POU5F1B: variants seen among roughly 807,000 people sequenced by gnomAD.
The protein encoded by POU5F1B is POU domain, class 5, transcription factor 1B.
In POU5F1B, 24 loss-of-function variants were observed where a neutral mutation model predicts 28.1. That is an observed-to-expected ratio of 0.85 (90% CI 0.62 to 1.20). POU5F1B has a LOEUF of 1.20. Ranked by LOEUF, POU5F1B falls within the 50% of genes most tolerant of loss-of-function variation. POU5F1B has a pLI of 0.00. For missense variants in POU5F1B, 451 were observed against 451.5 expected, an observed-to-expected ratio of 1.00 and a Z score of 0.01; for synonymous variants, 220 against 193.2, an observed-to-expected ratio of 1.14 and a Z score of -1.15.
chr8:127,416,764 G>T (rs1432368424), exon 3 of POU5F1B: 10 of 1,607,444 alleles, frequency 6.2e-6, no homozygotes, highest in South Asian at 1.1e-5. Context: ...TTTTGAGGCT[G>T]CTGGGTCTCC....
exon 3 of POU5F1B, chr8:127,416,137 G>A: frequency 6.2e-7 from 1 of 1,613,716 alleles, no homozygotes; most frequent in Non-Finnish European, 8.5e-7. Flanking sequence ...AGGCGGCTTG[G>A]AGACCTCTCA....
intron 1 of POU5F1B, among the ~76,000 whole-genome samples, chr8:127,414,409 G>T (rs904409062): frequency 6.6e-6 from 1 of 152,126 alleles, no homozygotes; most frequent in Non-Finnish European, 1.5e-5. Flanking sequence ...GGGAGAAGAG[G>T]GTTGCCACAT....
At chr8:127,414,969 C>T (rs1815108341) in exon 2 of POU5F1B, 2 of 152,406 alleles carry the variant, frequency 1.3e-5, no homozygotes, top group South Asian at 4.1e-4. Context: ...TGGTGAGCAA[C>T]TGAGGCCTCC....
exon 3 of POU5F1B, chr8:127,416,046 T>G: frequency 6.2e-7 from 1 of 1,607,442 alleles, no homozygotes; most frequent in Non-Finnish European, 8.5e-7. Context: ...TGTGGGGGAT[T>G]CCCCCTTGCC....
At chr8:127,416,370 G>T in exon 3 of POU5F1B, 1 of 1,610,326 alleles carries the variant, frequency 6.2e-7, no homozygotes, top group Admixed American at 1.7e-5. Context: ...CCGATGTGGG[G>T]CTCATCCTGG....
rs754368664 is a variant in POU5F1B, at chr8:127,416,921, TG to T, written c.1058del (p.Gly353AlafsTer65). ...TTTCCCCCAGTCTCCGTCATCACTC[TG>T]GGCTCTCCCATGCATTCAAACTGAG... On this transcript the variant is annotated frameshift_variant, in exon 3 of 3. Coordinates refer to ENST00000465342, the Ensembl canonical transcript of POU5F1B. LOFTEE classifies it high-confidence loss of function. 1.9e-6 allele frequency: 3 copies of T among 1,601,696 alleles called. No homozygotes were observed. The highest frequency in any genetic ancestry group is 1.7e-6 in the Non-Finnish European group (2 of 1,173,752).
rs576539115 is a variant in POU5F1B at position 127,415,885 on chromosome 8, T to G, written c.19T>G (p.Ser7Ala). Residue 7 changes from serine to alanine, a missense_variant, in exon 3 of 3, where the codon TCG becomes GCG. By Grantham distance (99) the Ser-to-Ala change is moderately conservative (BLOSUM62 1). This residue lies in a region of POU5F1B where 233 missense variants were observed against 210.7 expected (regional missense o/e 1.11). Transcript: ENST00000465342. The stretch of plus-strand genomic sequence containing the variant: ...CTTCCCCATGGCGGGACACCTGGCT[T>G]CGGATTTCGCCTTCTCGCCCCCTCC... 31 of 1,531,588 alleles carry G rather than the reference T, an allele frequency of 2.0e-5. No individual in the cohort carries two copies. The highest frequency in any genetic ancestry group is 2.5e-5 in the Non-Finnish European group (29 of 1,138,354). 94.9% of individuals were successfully genotyped at this position (1,531,588 alleles called of 1,614,324 possible). A position where few individuals can be genotyped will look rare whatever the true frequency, so the allele number is the denominator to read the frequency against.
At chr8:127,415,841 C>G (rs1412856515) in exon 3 of POU5F1B, 4 of 1,497,110 alleles carry the variant, frequency 2.7e-6, no homozygotes, top group Admixed American at 2.5e-5. Context: ...TCACCAGGCC[C>G]CCGGCTTGGG....
At chr8:127,417,131 C>T in exon 3 of POU5F1B, 1 of 793,988 alleles carries the variant, frequency 1.3e-6, no homozygotes, top group Non-Finnish European at 2.0e-6. Context: ...TTCAATGATG[C>T]TCTTGATTTT....
exon 3 of POU5F1B, chr8:127,416,837 A>G (rs956784524): frequency 1.2e-6 from 2 of 1,603,664 alleles, no homozygotes; most frequent in African/African-American, 1.3e-5. Context: ...ACCCCAGGCT[A>G]TGGGAGCCCT....
At position 127,416,007 on chromosome 8, in the gene POU5F1B, C is replaced by T. The variant is rs775246122; in HGVS notation, c.141C>T (p.Ile47=). ...AAGGCCCTCCTGGAGGGCCAGGAAT[C>T]GGGCCGGGGGTTGGGCCAGGCTCTG... Residue 47 remains isoleucine, a synonymous_variant, in exon 3 of 3, where the codon ATC becomes ATT. Transcript: ENST00000465342. 3.8e-6 allele frequency: 6 copies of T among 1,595,268 alleles called. No individual in the cohort carries two copies. In the South Asian group the frequency reaches 4.5e-5, roughly 12 times the overall value.
chr8:127,415,646 G>C, exon 3 of POU5F1B: 1 of 720,294 alleles, frequency 1.4e-6, no homozygotes, highest in Non-Finnish European at 2.0e-6. Context: ...TATCCACAAA[G>C]TGAAGATAAT....
rs772168979 is a variant in POU5F1B at position 127,416,141 on chromosome 8, C to T, written c.275C>T (p.Thr92Ile). 6 of 1,613,712 alleles carry T rather than the reference C, an allele frequency of 3.7e-6. No individual in the cohort carries two copies. In the Admixed American group the frequency reaches 6.7e-5, roughly 18 times the overall value. ...CTAGTGCCCCAAGGCGGCTTGGAGA[C>T]CTCTCAGCCTGAGAGCGAAGCAGGA... The change falls in exon 3 of 3, where the codon ACC (threonine) becomes ATC (isoleucine). Residue 92 changes from threonine (T) to isoleucine (I), a missense_variant. By Grantham distance (89) the Thr-to-Ile change is moderately conservative. Transcript: ENST00000465342.
chr8:127,415,783 G>A (rs1815121153), exon 3 of POU5F1B: 1 of 1,454,144 alleles, frequency 6.9e-7, no homozygotes, highest in Non-Finnish European at 9.1e-7. Context: ...GACACACACA[G>A]CCATACGGTC....
chr8:127,415,926 T>G, exon 3 of POU5F1B: 2 of 1,552,434 alleles, frequency 1.3e-6, no homozygotes, highest in Non-Finnish European at 1.7e-6. Flanking sequence ...GTGGGGGTGA[T>G]GGGCCATGGG....
At chr8:127,417,079 G>A in exon 3 of POU5F1B, 2 of 1,290,786 alleles carry the variant, frequency 1.5e-6, no homozygotes, top group Non-Finnish European at 2.1e-6. Context: ...CTAAGGGTGG[G>A]GGCAGGGGAG....
exon 3 of POU5F1B, chr8:127,416,529 C>T (rs769484945): frequency 1.2e-6 from 2 of 1,609,196 alleles, no homozygotes; most frequent in Non-Finnish European, 1.7e-6. Flanking sequence ...AGGAGATATG[C>T]AAAGCAGAAA....
chr8:127,415,310 C>A (rs531317163), intron 2 of POU5F1B: 1 of 152,740 alleles, frequency 6.5e-6, no homozygotes, highest in Non-Finnish European at 1.5e-5. Context: ...ATTAAATCTT[C>A]ATAGAGTGCT....
rs747805182 is a variant in POU5F1B, at chr8:127,416,746, C to T, written c.880C>T (p.Arg294Ter). 17 of 1,608,754 alleles carry T rather than the reference C, an allele frequency of 1.1e-5. No individual in the cohort carries two copies. The highest frequency in any genetic ancestry group is 2.2e-5 in the East Asian group (1 of 44,706). Residue 294 changes from arginine to a stop codon, truncating the protein, a stop_gained, in exon 3 of 3, where the codon CGA becomes TGA. Coordinates refer to ENST00000465342, the Ensembl canonical transcript of POU5F1B. LOFTEE classifies it high-confidence loss of function. Reference sequence around the variant, plus strand: ...GCGATCAAGCAGCGACTATGCACAACGAGAGGATTTTGAGGCTGCTGGGTC... The same window carrying T: ...GCGATCAAGCAGCGACTATGCACAATGAGAGGATTTTGAGGCTGCTGGGTC...
Sources: gnomAD v4.1 joint callset for allele counts (sites outside exome capture counted in the v4.1 genomes callset) on GRCh38, gnomAD v4.1.1 for gene constraint, gnomAD v4.1.1 regional missense constraint, MANE v1.5 for transcripts, NCBI Gene and HGNC (gene_info 2026-07-23, HGNC 2026-07-21) for gene names.